PCDH15: variants seen among roughly 807,000 people sequenced by gnomAD.
PCDH15 encodes the protein protocadherin related 15, also known as protocadherin-15.
In PCDH15, 129 loss-of-function variants were observed where a neutral mutation model predicts 178.5. The observed-to-expected ratio is 0.72, with a 90% CI of 0.63 to 0.84. The LOEUF (loss-of-function observed/expected upper bound fraction) is 0.84, where lower values mean the gene tolerates loss of function less well. Ranked by LOEUF, PCDH15 falls within the 40% of genes least tolerant of loss-of-function variation. PCDH15 has a pLI of 0.00. For missense variants in PCDH15, 2,230 were observed against 2,099.9 expected, an observed-to-expected ratio of 1.06 and a Z score of -1.21; for synonymous variants, 800 against 732.0, an observed-to-expected ratio of 1.09 and a Z score of -1.50.
At chr10:54,225,994 T>C (rs772461752) in intron 9 of PCDH15, among the ~76,000 whole-genome samples, 2 of 152,078 alleles carry the variant, frequency 1.3e-5, no homozygotes, top group Non-Finnish European at 2.9e-5. Flanking sequence ...ACAAATAGGC[T>C]ATAAGGACAT....
At chr10:55,555,759 A>C (rs527989553) in intron 2 of PCDH15, among the ~76,000 whole-genome samples, 1 of 152,246 alleles carries the variant, frequency 6.6e-6, no homozygotes, top group South Asian at 2.1e-4. Flanking sequence ...TTTAAAGTAT[A>C]GTCTAAAATG....
chr10:55,546,547 T>C (rs1841886545), intron 2 of PCDH15, among the ~76,000 whole-genome samples: 3 of 152,178 alleles, frequency 2.0e-5, no homozygotes, highest in Non-Finnish European at 4.4e-5. Context: ...GTTTTGACTA[T>C]ATATGTTATA....
At chr10:53,995,440 A>G (rs905902770) in intron 21 of PCDH15, 3 of 810,324 alleles carry the variant, frequency 3.7e-6, no homozygotes, top group African/African-American at 3.5e-5. Context: ...TAGAAAAACA[A>G]AAAGCATATT....
rs531719994 is a variant in PCDH15, at chr10:54,399,772, C to T, written c.158-20830G>A. On this transcript the variant is annotated intron_variant, in intron 3 of 37. Transcript: ENST00000644397. ...ACGCTGGGCTGTGCAGCCACATCCGCGGGAACAGCAAAAGTTAGTGACCAG... is the reference window on the plus strand; with the variant it reads ...ACGCTGGGCTGTGCAGCCACATCCGTGGGAACAGCAAAAGTTAGTGACCAG... Among the ~76,000 whole-genome samples the T allele has an allele frequency of 3.0e-4, 45 of 152,048 alleles. No individual in the cohort carries two copies. In the South Asian group the frequency reaches 7.3e-3, roughly 25 times the overall value.
At chr10:54,913,002 A>G (rs905116548) in intron 2 of PCDH15, among the ~76,000 whole-genome samples, 7 of 152,198 alleles carry the variant, frequency 4.6e-5, no homozygotes, top group Non-Finnish European at 8.8e-5. Flanking sequence ...GCATAAACAA[A>G]GAAATGACCT....
chr10:54,848,382 CAAAAAAA>C (rs34830502), intron 3 of PCDH15, among the ~76,000 whole-genome samples: 25 of 85,170 alleles, frequency 2.9e-4, no homozygotes, highest in Admixed American at 7.9e-4. Context: ...AACTCCATCT[CAAAAAAA>C]AAAAAAAAAA....
chr10:53,912,119 C>T (rs1589382942), intron 25 of PCDH15, among the ~76,000 whole-genome samples: 2 of 152,268 alleles, frequency 1.3e-5, no homozygotes, highest in South Asian at 2.1e-4. Context: ...AGCTTCATCC[C>T]TGGGATCCAA....
At chr10:54,371,212 GA>G (rs898459993) in intron 4 of PCDH15, among the ~76,000 whole-genome samples, 5 of 151,180 alleles carry the variant, frequency 3.3e-5, no homozygotes, top group African/African-American at 1.2e-4. Flanking sequence ...ATTTGTAATA[GA>G]AAAAAAATCA....
chr10:54,028,128 G>A (rs1199249692), intron 18 of PCDH15, among the ~76,000 whole-genome samples: 1 of 149,556 alleles, frequency 6.7e-6, no homozygotes, highest in Non-Finnish European at 1.5e-5. Flanking sequence ...GTGGGCGAAG[G>A]ACATGAACAG....
intron 2 of PCDH15, among the ~76,000 whole-genome samples, chr10:55,476,233 T>C (rs1378377754): frequency 1.3e-5 from 2 of 152,130 alleles, no homozygotes; most frequent in African/African-American, 2.4e-5. Context: ...CCCGGGCACT[T>C]TCCCTACCCA....
intron 1 of PCDH15, among the ~76,000 whole-genome samples, chr10:54,679,888 C>T (rs1382840908): frequency 6.6e-6 from 1 of 152,054 alleles, no homozygotes; most frequent in Non-Finnish European, 1.5e-5. Flanking sequence ...ACTTTTGAAT[C>T]TTGGGTATAA....
intron 3 of PCDH15, among the ~76,000 whole-genome samples, chr10:54,520,408 T>C (rs903456064): frequency 6.6e-6 from 1 of 152,082 alleles, no homozygotes; most frequent in Non-Finnish European, 1.5e-5. Context: ...GCAAAGGATA[T>C]AAACAGACAC....
intron 2 of PCDH15, among the ~76,000 whole-genome samples, chr10:55,467,878 A>C (rs1444730465): frequency 6.7e-6 from 1 of 148,484 alleles, no homozygotes; most frequent in Non-Finnish European, 1.5e-5. Context: ...GAGGCAGGAG[A>C]ACTGCTTGAA....
chr10:55,060,437 T>C (rs1043360568), intron 2 of PCDH15, among the ~76,000 whole-genome samples: 4 of 152,062 alleles, frequency 2.6e-5, no homozygotes, highest in Non-Finnish European at 5.9e-5. Context: ...TCCACATCTC[T>C]AAATTGAAAG....
intron 17 of PCDH15, among the ~76,000 whole-genome samples, chr10:54,071,394 A>G (rs2135863968): frequency 6.6e-6 from 1 of 152,282 alleles, no homozygotes; most frequent in African/African-American, 2.4e-5. Context: ...TAATACTACG[A>G]ATTTAATAAG....
At chr10:55,587,582 T>C (rs1408651554) in intron 2 of PCDH15, among the ~76,000 whole-genome samples, 1 of 152,132 alleles carries the variant, frequency 6.6e-6, no homozygotes, top group Non-Finnish European at 1.5e-5. Context: ...TCAAAACCAA[T>C]ACATCAAAAT....
chr10:55,319,109 C>T lies in PCDH15; in HGVS notation c.-156+490G>A, dbSNP rs569426716. On this transcript the variant is annotated intron_variant, in intron 1 of 5. Transcript: ENST00000458638. ...ATTCCCCTATGGAGTAGTACAATTT[C>T]AATCCTGCCATCAAATAATTCCCAT... 2.4e-4 allele frequency among the ~76,000 whole-genome samples: 37 copies of T among 152,042 alleles called. No individual in the cohort carries two copies. The Middle Eastern group carries it at 0.014, about 56-fold the overall frequency.
intron 2 of PCDH15, among the ~76,000 whole-genome samples, chr10:54,597,715 T>C (rs766920693): frequency 6.6e-6 from 1 of 151,884 alleles, no homozygotes; most frequent in African/African-American, 2.4e-5. Context: ...TTGAAAACAT[T>C]AATACAATAG....
At chr10:55,367,737 A>G (rs1227328688) in intron 2 of PCDH15, among the ~76,000 whole-genome samples, 2 of 152,150 alleles carry the variant, frequency 1.3e-5, no homozygotes, top group Non-Finnish European at 2.9e-5. Context: ...TGTTTGCCTT[A>G]TTTGGGCTGG....
Sources: allele counts gnomAD v4.1 joint callset (sites outside exome capture counted in the v4.1 genomes callset), GRCh38; gene constraint gnomAD v4.1.1; transcripts MANE v1.5; gene names NCBI Gene and HGNC (gene_info 2026-07-23, HGNC 2026-07-21).